Variants in SLC35F1 observed in about 807,000 individuals in gnomAD.
SLC35F1 encodes chromosome 6 open reading frame 169.
SLC35F1 carries 14 observed loss-of-function variants against 48.7 expected under a neutral mutation model. The observed-to-expected ratio is 0.29, with a 90% CI of 0.19 to 0.45. The LOEUF is 0.45. SLC35F1 is among the 20% of genes least tolerant of loss of function. SLC35F1 has a pLI of 1.00. For synonymous variants in SLC35F1, 190 were observed against 202.2 expected (o/e 0.94, Z 0.51); for missense variants, 404 against 500.0 (o/e 0.81, Z 1.83).
chr6:118,034,054 C>T (rs1772092450), intron 1 of SLC35F1, among the ~76,000 whole-genome samples: 1 of 152,202 alleles, frequency 6.6e-6, no homozygotes, highest in East Asian at 1.9e-4. Flanking sequence ...TTTGTGAACC[C>T]ACTTCAGATA....
At chr6:117,916,223 T>A (rs1775824303) in intron 1 of SLC35F1, among the ~76,000 whole-genome samples, 1 of 152,248 alleles carries the variant, frequency 6.6e-6, no homozygotes, top group Admixed American at 6.5e-5. Flanking sequence ...CTTTTATATT[T>A]TTTGTCCTAA....
intron 1 of SLC35F1, among the ~76,000 whole-genome samples, chr6:117,933,278 C>T (rs1005530635): frequency 5.9e-5 from 9 of 152,162 alleles, no homozygotes; most frequent in Non-Finnish European, 1.2e-4. Context: ...TTAAACTCCC[C>T]TCCCTACTGT....
chr6:118,095,167 AT>A (rs1773134209), intron 1 of SLC35F1, among the ~76,000 whole-genome samples: 2 of 152,330 alleles, frequency 1.3e-5, no homozygotes, highest in Admixed American at 1.3e-4. Context: ...TGGCCATTGT[AT>A]TTGACAAGAC....
intron 7 of SLC35F1, among the ~76,000 whole-genome samples, chr6:118,295,130 C>T (rs529090482): frequency 6.6e-6 from 1 of 152,218 alleles, no homozygotes; most frequent in East Asian, 1.9e-4. Context: ...ATATCTATCC[C>T]ATATGTGCCA....
chr6:118,045,669 G>A (rs1772289147), intron 1 of SLC35F1, among the ~76,000 whole-genome samples: 1 of 152,136 alleles, frequency 6.6e-6, no homozygotes, highest in Non-Finnish European at 1.5e-5. Flanking sequence ...TCTGGAAGGA[G>A]GATGGAAGGG....
chr6:117,966,393 C>T (rs779521269), intron 1 of SLC35F1, among the ~76,000 whole-genome samples: 13 of 151,528 alleles, frequency 8.6e-5, no homozygotes, highest in Non-Finnish European at 1.5e-4. Context: ...ACACTCGCCG[C>T]GAAGATCTGC....
intron 1 of SLC35F1, among the ~76,000 whole-genome samples, chr6:118,085,839 G>A (rs939076475): frequency 6.6e-6 from 1 of 152,040 alleles, no homozygotes; most frequent in Admixed American, 6.6e-5. Flanking sequence ...TGGATTTGGG[G>A]CCTAAATTAT....
intron 1 of SLC35F1, among the ~76,000 whole-genome samples, chr6:117,947,727 G>A (rs898899912): frequency 6.6e-6 from 1 of 152,118 alleles, no homozygotes. Flanking sequence ...GCAGGTGTGG[G>A]GGAGGACCAG....
At chr6:118,103,775 G>A (rs1429150202) in intron 1 of SLC35F1, among the ~76,000 whole-genome samples, 1 of 152,156 alleles carries the variant, frequency 6.6e-6, no homozygotes, top group African/African-American at 2.4e-5. Context: ...GTTTACTGTT[G>A]CAGCTTTTCT....
intron 2 of SLC35F1, among the ~76,000 whole-genome samples, chr6:118,180,266 A>T (rs1774554613): frequency 6.6e-6 from 1 of 152,104 alleles, no homozygotes; most frequent in Admixed American, 6.6e-5. Flanking sequence ...ATGCATTTTA[A>T]AATAGGATCT....
rs144696736 is a variant in SLC35F1 at position 118,045,478 on chromosome 6, A to G, written c.174-108967A>G. On this transcript the variant is annotated intron_variant, in intron 1 of 7. Transcript: ENST00000360388. Reference sequence around the variant, plus strand: ...GAACTGAGCTGCTACAGAAGCTCTGAAGTCCAGAACTTTACTTTTGGACAT... The same window carrying G: ...GAACTGAGCTGCTACAGAAGCTCTGGAGTCCAGAACTTTACTTTTGGACAT... Among the ~76,000 whole-genome samples, 143 of 152,324 alleles carry G rather than the reference A, an allele frequency of 9.4e-4. 1 individual carries two copies. The East Asian group carries it at 0.024, about 25-fold the overall frequency.
At chr6:118,216,603 C>A (rs1336204505) in intron 2 of SLC35F1, among the ~76,000 whole-genome samples, 1 of 98,952 alleles carries the variant, frequency 1.0e-5, no homozygotes, top group African/African-American at 3.8e-5. Context: ...TAGCAACTTA[C>A]TTAAAAGAAA....
chr6:118,297,644 T>A lies in SLC35F1; in HGVS notation c.1002+12306T>A, dbSNP rs999042468. ...AACTTATATATATATATATAAAAAA[T>A]ATATATATAATATATATAATATTAT... On this transcript the variant is annotated intron_variant, in intron 7 of 7. Transcript: ENST00000360388. Among the ~76,000 whole-genome samples the A allele has an allele frequency of 1.8e-3, 159 of 87,736 alleles. 6 individuals are homozygous for A. Among genetic ancestry groups the A allele is most frequent in the African/African-American group, 8.2e-3 (146 of 17,782 alleles). The allele number at this position is 87,736 out of a possible 152,430, so 57.6% of individuals were successfully genotyped here. A position where few individuals can be genotyped will look rare whatever the true frequency, so the allele number is the denominator to read the frequency against.
chr6:118,102,073 G>C (rs1364299095), intron 1 of SLC35F1, among the ~76,000 whole-genome samples: 2 of 152,176 alleles, frequency 1.3e-5, no homozygotes, highest in Admixed American at 6.5e-5. Context: ...GGAGTTTTAT[G>C]ATGGCCATGG....
At chr6:118,062,257 A>G (rs1345068326) in intron 1 of SLC35F1, among the ~76,000 whole-genome samples, 1 of 152,156 alleles carries the variant, frequency 6.6e-6, no homozygotes, top group Non-Finnish European at 1.5e-5. Flanking sequence ...GATTGGCTAT[A>G]ATTTTTTTCT....
At chr6:118,113,003 T>C (rs113630021) in intron 1 of SLC35F1, among the ~76,000 whole-genome samples, 5,004 of 152,246 alleles carry the variant, frequency 0.033, 133 homozygotes, top group African/African-American at 0.068. Context: ...AATTTAAAAA[T>C]AAAGGGATGC....
intron 6 of SLC35F1, among the ~76,000 whole-genome samples, chr6:118,283,989 G>A (rs1324034483): frequency 6.6e-6 from 1 of 152,176 alleles, no homozygotes; most frequent in East Asian, 1.9e-4. Flanking sequence ...GCTAGAGGGG[G>A]CTGTTGTACT....
At chr6:118,141,516 T>C (rs1302324255) in intron 1 of SLC35F1, among the ~76,000 whole-genome samples, 1 of 152,220 alleles carries the variant, frequency 6.6e-6, no homozygotes, top group Non-Finnish European at 1.5e-5. Context: ...ACAGTTCTAG[T>C]GGATGGAAGT....
intron 1 of SLC35F1, among the ~76,000 whole-genome samples, chr6:117,923,815 A>G (rs1775976790): frequency 7.1e-6 from 1 of 141,362 alleles, no homozygotes; most frequent in Non-Finnish European, 1.5e-5. Flanking sequence ...ATACACATAC[A>G]TATGTATATA....
Sources: gnomAD v4.1 joint callset for allele counts (sites outside exome capture counted in the v4.1 genomes callset) on GRCh38, gnomAD v4.1.1 for gene constraint, MANE v1.5 for transcripts, NCBI Gene and HGNC (gene_info 2026-07-23, HGNC 2026-07-21) for gene names.